The following TKT variants were observed in gnomAD, a reference collection of about 807,000 sequenced individuals.
TKT encodes epididymis luminal protein 107.
TKT carries 47 observed loss-of-function variants against 63.9 expected under a neutral mutation model. The observed-to-expected ratio is 0.74, with a 90% confidence interval of 0.58 to 0.94. The LOEUF is 0.94. Ranked by LOEUF, TKT falls within the 40% of genes least tolerant of loss-of-function variation. The pLI, the probability that TKT is intolerant of heterozygous loss-of-function variation, is 0.00. For missense variants in TKT, 721 were observed against 846.2 expected (o/e 0.85, Z 1.84); for synonymous variants, 338 against 334.1 (o/e 1.01, Z -0.13).
In TKT at chr3:53,241,243, G is replaced by C. The variant is rs782106280; in HGVS notation, c.228C>G (p.Gly76=). 8.1e-6 allele frequency: 13 copies of C among 1,598,402 alleles called. No individual in the cohort carries two copies. In the South Asian group the frequency reaches 1.3e-4, roughly 17 times the overall value. Residue 76 remains glycine, a splice_region_variant and synonymous_variant, in exon 3 of 14, where the codon GGC becomes GGG. Transcript: ENST00000462138. The stretch of plus-strand genomic sequence containing the variant: ...CCGCGTAGAGGATGGGAGCTGCATG[G>C]CCCTGCCGGGAGATGGATGGTGGGG... The part of the protein sequence containing the change: ...PHNDRFVLSK[G]HAAPILYAVW...
Position 53,242,256 on chromosome 3 carries a change from G to A in TKT, c.108-14C>T. 5.0e-6 allele frequency: 8 copies of A among 1,612,266 alleles called. No individual in the cohort carries two copies. The highest frequency in any genetic ancestry group is 6.8e-6 in the Non-Finnish European group (8 of 1,178,720). ...GACGTGGGGTGGCTGTGGCCCAGGAGAGAAGACAGACACAGGCATCATGGC... is the reference window on the plus strand; with the variant it reads ...GACGTGGGGTGGCTGTGGCCCAGGAAAGAAGACAGACACAGGCATCATGGC... On this transcript the variant is annotated splice_polypyrimidine_tract_variant and intron_variant, in intron 1 of 13. Coordinates refer to ENST00000462138, the MANE Select transcript of TKT (RefSeq NM_001064.4).
intron 4 of TKT, 109 bp from the exon 5 acceptor site, chr3:53,235,283 A>G (rs1414286981): frequency 2.0e-6 from 2 of 1,012,992 alleles, no homozygotes; most frequent in East Asian, 5.5e-5. Flanking sequence ...GCAGCCACGC[A>G]TGGATATGCA....
rs1553677079 is a variant in TKT at position 53,231,528 on chromosome 3, C to G, written c.771G>C (p.Trp257Cys). Reference protein sequence around the residue: ...GITGVEDKESWHGKPLPKNMA... With the variant: ...GITGVEDKESCHGKPLPKNMA... ...TGTTTTTGGGGAGGGGCTTCCCATG[C>G]CAAGACTCCTTATCTTCTACCCCTG... Residue 257 changes from tryptophan to cysteine, a missense_variant, in exon 7 of 14, where the codon TGG becomes TGC. Physicochemically the swap from Trp to Cys is radical, Grantham distance 215. Coordinates refer to ENST00000462138, the MANE Select transcript of TKT (RefSeq NM_001064.4). The G allele has an allele frequency of 6.2e-7, 1 of 1,613,968 alleles. No homozygotes were observed. The highest frequency in any genetic ancestry group is 1.7e-5 in the Admixed American group (1 of 60,004).
In TKT at chr3:53,234,875, T is replaced by C. The variant is rs561893924; in HGVS notation, c.629+108A>G. On this transcript the variant is annotated intron_variant, in intron 5 of 13. Transcript: ENST00000462138. The stretch of plus-strand genomic sequence containing the variant: ...AATGCTAAAGAAAGGGACCTTTAGA[T>C]GGTGCTTAAGGTCCCAGCTTCAGCT... 2.5e-5 allele frequency: 28 copies of C among 1,138,430 alleles called. 1 individual carries two copies. Among genetic ancestry groups the C allele is most frequent in the Non-Finnish European group, 2.9e-5 (24 of 816,260 alleles). 70.5% of individuals were successfully genotyped at this position (1,138,430 alleles called of 1,614,324 possible).
At chr3:53,235,548 A>T (rs1246069244) in intron 4 of TKT, 1 of 161,960 alleles carries the variant, frequency 6.2e-6, no homozygotes, top group Non-Finnish European at 1.3e-5. Context: ...CAGGGGACAG[A>T]CCCCGCTGTG....
At chr3:53,235,490 G>A (rs1310806287) in intron 4 of TKT, 1 of 216,722 alleles carries the variant, frequency 4.6e-6, no homozygotes, top group Non-Finnish European at 9.1e-6. Context: ...TTGTTGGAAT[G>A]AGAGGAAAGT....
chr3:53,235,296 A>G, intron 4 of TKT, 122 bp from the exon 5 acceptor site: 1 of 928,426 alleles, frequency 1.1e-6, no homozygotes, highest in Non-Finnish European at 1.6e-6. Flanking sequence ...GATATGCAGA[A>G]CAGATGGCAT....
rs782739264 is a variant in TKT at position 53,225,835 on chromosome 3, G to A, written c.1793C>T (p.Pro598Leu). 5 of 1,614,068 alleles carry A rather than the reference G, an allele frequency of 3.1e-6. No individual in the cohort carries two copies. Among genetic ancestry groups the A allele is most frequent in the Admixed American group, 1.7e-5 (1 of 60,014 alleles). The change falls in exon 14 of 14, where the codon CCG (proline) becomes CTG (leucine). Residue 598 changes from proline (P) to leucine (L), a missense_variant. Pro to Leu is a moderately conservative substitution (Grantham distance 98, BLOSUM62 -3). Coordinates refer to ENST00000462138, the MANE Select transcript of TKT (RefSeq NM_001064.4). ...ACCAAACATCTTCAGCAGCTCAGCC[G>A]GCTTCCCACTTCTTGGTACCCGGTT... ...AVNRVPRSGK[P>L]AELLKMFGID...
In TKT at chr3:53,256,020, G is replaced by A. The variant is rs912741191; in HGVS notation, c.-78C>T. The A allele has an allele frequency of 6.9e-6, 7 of 1,007,904 alleles. No individual in the cohort carries two copies. In the African/African-American group the frequency reaches 8.5e-5, roughly 12 times the overall value. 62.4% of individuals were successfully genotyped at this position (1,007,904 alleles called of 1,614,324 possible). ...GCTCCCGCGGCGACAGGCGGCTGCC[G>A]AGGCCGGGCGCGGGGCGGGGGCGCG... is the stretch of plus-strand genomic sequence containing the variant. On this transcript the variant is annotated 5_prime_UTR_variant, in exon 1 of 14. Transcript: ENST00000462138.
rs1553676036 is a variant in TKT, at chr3:53,228,324, AT to A, written c.1430del (p.Asn477MetfsTer20). 6.2e-7 allele frequency: 1 copy of A among 1,614,112 alleles called. No homozygotes were observed. Among genetic ancestry groups the A allele is most frequent in the East Asian group, 2.2e-5 (1 of 44,878 alleles). ...ICFIRTSRPE[N>X]AIIYNNNEDF... Reference sequence around the variant, plus strand: ...CCTCATTGTTGTTATAGATGATGGCATTTTCTGGGCGGCTGGTCCGGATGAA... The same window carrying A: ...CCTCATTGTTGTTATAGATGATGGCATTTCTGGGCGGCTGGTCCGGATGAA... On this transcript the variant is annotated frameshift_variant, in exon 11 of 14. Coordinates refer to ENST00000462138, the MANE Select transcript of TKT (RefSeq NM_001064.4). LOFTEE classifies it high-confidence loss of function.
chr3:53,250,308 A>C (rs1705691064), intron 1 of TKT, among the ~76,000 whole-genome samples: 1 of 152,138 alleles, frequency 6.6e-6, no homozygotes, highest in Non-Finnish European at 1.5e-5. Context: ...CCTTCAGCCA[A>C]AGCACCTGGA....
chr3:53,242,465 T>C (rs951438823), intron 1 of TKT, among the ~76,000 whole-genome samples: 1 of 152,114 alleles, frequency 6.6e-6, no homozygotes, highest in South Asian at 2.1e-4. Flanking sequence ...TGCTGGGGAC[T>C]GTTGTACCTT....
rs1260574275 is a variant in TKT at position 53,225,100 on chromosome 3, C to T, written c.*656G>A. The T allele has an allele frequency of 6.6e-6, 1 of 152,232 alleles. No individual in the cohort carries two copies. Among genetic ancestry groups the T allele is most frequent in the African/African-American group, 2.4e-5 (1 of 41,458 alleles). 9.4% of individuals were successfully genotyped at this position (152,232 alleles called of 1,614,324 possible). A position where few individuals can be genotyped will look rare whatever the true frequency, so the allele number is the denominator to read the frequency against. Reference sequence around the variant, plus strand: ...CCCATTGGCAAGACCCAGAAATCTGCATTTTAACAAGTTGAGGGGGACAGT... The same window carrying T: ...CCCATTGGCAAGACCCAGAAATCTGTATTTTAACAAGTTGAGGGGGACAGT... On this transcript the variant is annotated 3_prime_UTR_variant, in exon 14 of 14. Coordinates refer to ENST00000462138, the MANE Select transcript of TKT (RefSeq NM_001064.4).
intron 1 of TKT, among the ~76,000 whole-genome samples, chr3:53,246,937 A>G (rs1400917087): frequency 2.0e-5 from 3 of 152,076 alleles, no homozygotes; most frequent in Admixed American, 2.0e-4. Flanking sequence ...GAAGATGAGG[A>G]TGGAGGGACC....
intron 1 of TKT, among the ~76,000 whole-genome samples, chr3:53,248,859 A>T (rs908541073): frequency 1.3e-5 from 2 of 152,214 alleles, no homozygotes; most frequent in African/African-American, 4.8e-5. Context: ...CTTTTAGGAG[A>T]TGTGGTAAAT....
At position 53,229,267 on chromosome 3, in the gene TKT, T is replaced by C; in HGVS notation, c.1264+13A>G. The C allele has an allele frequency of 6.2e-7, 1 of 1,613,884 alleles. No individual in the cohort carries two copies. Among genetic ancestry groups the C allele is most frequent in the South Asian group, 1.1e-5 (1 of 91,056 alleles). On this transcript the variant is annotated intron_variant, in intron 9 of 13. Coordinates refer to ENST00000462138, the MANE Select transcript of TKT (RefSeq NM_001064.4). ...AAGGGAGCTCCAGGTGTAAACACCC[T>C]GGCTAAACTCACCGATGGAAACGCC...
chr3:53,233,344 A>AGGTCTGCCTTGGCAGCTGG, intron 5 of TKT, 70 bp from the exon 6 acceptor site: 1 of 1,323,556 alleles, frequency 7.6e-7, no homozygotes, highest in South Asian at 1.4e-5. Flanking sequence ...TTCCAGGGAA[A>AGGTCTGCCTTGGCAGCTGG]GGTCTGCCTT....
Position 53,231,391 on chromosome 3 carries a change from A to G in TKT, c.908T>C (p.Met303Thr). 1.9e-6 allele frequency: 3 copies of G among 1,613,888 alleles called. No homozygotes were observed. Among genetic ancestry groups the G allele is most frequent in the Non-Finnish European group, 2.5e-6 (3 of 1,180,018 alleles). The change falls in exon 7 of 14, where the codon ATG (methionine) becomes ACG (threonine). Residue 303 changes from methionine to threonine, a missense_variant. By Grantham distance (81) the Met-to-Thr change is moderately conservative (BLOSUM62 -1). Coordinates refer to ENST00000462138, the MANE Select transcript of TKT (RefSeq NM_001064.4). ...APSVDIANIRMPSLPSYKVGD... is the reference protein window; with the variant it reads ...APSVDIANIRTPSLPSYKVGD... ...AACTTTGTAGCTGGGCAGGCTGGGC[A>G]TGCGGATGTTGGCAATGTCCACTGA...
At position 53,231,426 on chromosome 3, in the gene TKT, C is replaced by G; in HGVS notation, c.873G>C (p.Glu291Asp). ...KKKILATPPQEDAPSVDIANI... is the reference protein window; with the variant it reads ...KKKILATPPQDDAPSVDIANI... ...TGGCAATGTCCACTGAGGGTGCGTC[C>G]TCCTGTGGAGGGGTTGCCAGGATCT... Residue 291 changes from glutamate (E) to aspartate (D), a missense_variant, in exon 7 of 14, where the codon GAG (glutamate) becomes GAC (aspartate). Physicochemically the swap from Glu to Asp is conservative, Grantham distance 45 (BLOSUM62 2). Coordinates refer to ENST00000462138, the MANE Select transcript of TKT (RefSeq NM_001064.4). 3.7e-6 allele frequency: 6 copies of G among 1,614,178 alleles called. No individual in the cohort carries two copies. The highest frequency in any genetic ancestry group is 3.4e-6 in the Non-Finnish European group (4 of 1,180,030).
Sources: allele counts gnomAD v4.1 joint callset (sites outside exome capture counted in the v4.1 genomes callset), GRCh38; gene constraint gnomAD v4.1.1; transcripts MANE v1.5; gene names NCBI Gene and HGNC (gene_info 2026-07-23, HGNC 2026-07-21).